SEL1L: variants seen among roughly 807,000 people sequenced by gnomAD.
The protein encoded by SEL1L is SEL1L adaptor subunit of SYVN1 ubiquitin ligase, also known as protein sel-1 homolog 1.
A neutral mutation model predicts 109.8 loss-of-function variants in SEL1L; 52 were observed. The ratio of observed to expected loss-of-function variants is 0.47; its 90% CI spans 0.38 to 0.60. The LOEUF is 0.60. SEL1L is among the 20% of genes least tolerant of loss of function. The pLI, the probability that SEL1L is intolerant of heterozygous loss-of-function variation, is 0.00. For missense variants in SEL1L, 749 were observed against 962.2 expected (o/e 0.78, Z 2.93); for synonymous variants, 373 against 339.6 (o/e 1.10, Z -1.08).
At chr14:81,514,050 CCT>C (rs1386434451) in intron 3 of SEL1L, among the ~76,000 whole-genome samples, 2 of 152,232 alleles carry the variant, frequency 1.3e-5, no homozygotes, top group African/African-American at 4.8e-5. Flanking sequence ...AAAACAACTC[CCT>C]GTCTCTGGTG....
intron 20 of SEL1L, 123 bp downstream of exon 20, chr14:81,479,489 A>C: frequency 1.1e-6 from 1 of 926,896 alleles, no homozygotes; most frequent in Non-Finnish European, 1.5e-6. Context: ...GCTGAGGAGA[A>C]GGGAACACAC....
intron 3 of SEL1L, among the ~76,000 whole-genome samples, chr14:81,524,599 C>A (rs138059714): frequency 4.6e-5 from 7 of 152,300 alleles, no homozygotes; most frequent in African/African-American, 1.4e-4. Context: ...GGGCTGGGTG[C>A]GGTGGCTCAC....
At chr14:81,520,291 G>A (rs1884857425) in intron 3 of SEL1L, among the ~76,000 whole-genome samples, 1 of 152,102 alleles carries the variant, frequency 6.6e-6, no homozygotes, top group Non-Finnish European at 1.5e-5. Context: ...TTATAAAGTT[G>A]TTGATATAAC....
intron 19 of SEL1L, among the ~76,000 whole-genome samples, chr14:81,480,779 G>A (rs916925308): frequency 1.8e-4 from 27 of 152,316 alleles, no homozygotes; most frequent in Admixed American, 1.8e-3. Flanking sequence ...ACTCGATTCT[G>A]CAGTTCTGCA....
At chr14:81,502,617 T>C in intron 6 of SEL1L, 104 bp downstream of exon 6, 1 of 1,147,780 alleles carries the variant, frequency 8.7e-7, no homozygotes, top group Non-Finnish European at 1.2e-6. Context: ...GGTATTTATC[T>C]TCCAGTCTGA....
At chr14:81,510,136 G>C (rs1480657413) in intron 3 of SEL1L, among the ~76,000 whole-genome samples, 1 of 152,156 alleles carries the variant, frequency 6.6e-6, no homozygotes, top group Non-Finnish European at 1.5e-5. Context: ...TCAGGGAAAA[G>C]AACACTAGTG....
intron 3 of SEL1L, among the ~76,000 whole-genome samples, chr14:81,513,268 G>A (rs140884386): frequency 0.031 from 4,661 of 152,282 alleles, 247 homozygotes; most frequent in African/African-American, 0.11. Context: ...TGAGCCAGCA[G>A]TGGCAACCCC....
intron 1 of SEL1L, among the ~76,000 whole-genome samples, chr14:81,532,844 A>G (rs957026303): frequency 1.3e-5 from 2 of 152,212 alleles, no homozygotes; most frequent in African/African-American, 4.8e-5. Context: ...CCAAAGTTTT[A>G]CTGTACTAAT....
intron 12 of SEL1L, 28 bp downstream of exon 12, chr14:81,492,452 C>T (rs1327787518): frequency 6.6e-7 from 1 of 1,523,108 alleles, no homozygotes; most frequent in Admixed American, 1.7e-5. Flanking sequence ...CTTGCTATTA[C>T]ATAAAACATT....
At position 81,475,623 on chromosome 14, in the gene SEL1L, A is replaced by T. The variant is rs562772998; in HGVS notation, c.*1349T>A. The T allele has an allele frequency of 6.6e-6, 1 of 152,218 alleles. No homozygotes were observed. The highest frequency in any genetic ancestry group is 1.5e-5 in the Non-Finnish European group (1 of 68,028). 9.4% of individuals were successfully genotyped at this position (152,218 alleles called of 1,614,324 possible). ...TCTCAGACAAGATACAGGCTGGTGAACACCACCATCTGACAATAAAATGAA... is the reference window on the plus strand; with the variant it reads ...TCTCAGACAAGATACAGGCTGGTGATCACCACCATCTGACAATAAAATGAA... On this transcript the variant is annotated 3_prime_UTR_variant, in exon 21 of 21. Transcript: ENST00000336735.
At chr14:81,513,707 C>T (rs919586614) in intron 3 of SEL1L, among the ~76,000 whole-genome samples, 11 of 152,102 alleles carry the variant, frequency 7.2e-5, no homozygotes, top group African/African-American at 1.2e-4. Flanking sequence ...GCGCGGCCGC[C>T]GGACTAAAGA....
chr14:81,492,800 C>T (rs547974743), intron 11 of SEL1L, among the ~76,000 whole-genome samples: 1 of 152,172 alleles, frequency 6.6e-6, no homozygotes. Context: ...TCTTGTGCTG[C>T]CTAAACGTAA....
At chr14:81,529,716 A>C (rs1484034403) in intron 1 of SEL1L, among the ~76,000 whole-genome samples, 1 of 152,236 alleles carries the variant, frequency 6.6e-6, no homozygotes, top group Non-Finnish European at 1.5e-5. Context: ...GAATAAGATA[A>C]TTCTCAGTTA....
Position 81,487,877 on chromosome 14 carries a change from T to C in SEL1L, c.1461A>G (p.Leu487=). 6.2e-7 allele frequency: 1 copy of C among 1,613,966 alleles called. No homozygotes were observed. The highest frequency in any genetic ancestry group is 8.5e-7 in the Non-Finnish European group (1 of 1,179,902). ...TACTATAGTACATGGAACCAAGCTGTAGCTGCCCATCCACCCAGCCTTGTT... is the reference window on the plus strand; with the variant it reads ...TACTATAGTACATGGAACCAAGCTGCAGCTGCCCATCCACCCAGCCTTGTT... ...AAEQGWVDGQ[L]QLGSMYYNGI... is the part of the protein sequence containing the mutation. Residue 487 remains leucine (L), a synonymous_variant, in exon 15 of 21, where the codon CTA becomes CTG. Transcript: ENST00000336735.
At position 81,476,763 on chromosome 14, in the gene SEL1L, GAAAC is replaced by G. The variant is rs2139975774; in HGVS notation, c.*205_*208del. On this transcript the variant is annotated 3_prime_UTR_variant, in exon 21 of 21. Transcript: ENST00000336735. ...GAAAGTTGTTATTCCATATGGCACTGAAACAAACATTCAGCTCAGTTTAGGTAAG... is the reference window on the plus strand; with the variant it reads ...GAAAGTTGTTATTCCATATGGCACTGAAACATTCAGCTCAGTTTAGGTAAG... 1.8e-6 allele frequency: 1 copy of G among 546,216 alleles called. No homozygotes were observed. The highest frequency in any genetic ancestry group is 2.8e-5 in the East Asian group (1 of 35,218). The allele number at this position is 546,216 out of a possible 1,614,324, so 33.8% of individuals were successfully genotyped here.
chr14:81,495,204 A>G (rs1188919523), intron 10 of SEL1L, 67 bp from the exon 11 acceptor site: 2 of 1,400,080 alleles, frequency 1.4e-6, no homozygotes, highest in African/African-American at 2.8e-5. Flanking sequence ...AATCAGACCA[A>G]CAAGAAATGA....
chr14:81,477,305 G>C, intron 20 of SEL1L, 124 bp from the exon 21 acceptor site: 1 of 422,094 alleles, frequency 2.4e-6, no homozygotes, highest in Non-Finnish European at 4.3e-6. Flanking sequence ...GTTTTGCAAT[G>C]TGTGTGTGTG....
intron 3 of SEL1L, among the ~76,000 whole-genome samples, chr14:81,506,492 C>A (rs1335586155): frequency 6.6e-6 from 1 of 152,094 alleles, no homozygotes; most frequent in Non-Finnish European, 1.5e-5. Context: ...TGATATATAA[C>A]CTTAGAATAT....
At chr14:81,480,990 T>C (rs1405970242) in intron 19 of SEL1L, among the ~76,000 whole-genome samples, 1 of 152,014 alleles carries the variant, frequency 6.6e-6, no homozygotes, top group African/African-American at 2.4e-5. Flanking sequence ...TCAAGTGCAT[T>C]GCCCTGGGGT....
Sources: gnomAD v4.1 joint callset for allele counts (sites outside exome capture counted in the v4.1 genomes callset) on GRCh38, gnomAD v4.1.1 for gene constraint, MANE v1.5 for transcripts, NCBI Gene and HGNC (gene_info 2026-07-23, HGNC 2026-07-21) for gene names.